The following PRX variants were observed in gnomAD, a reference collection of about 807,000 sequenced individuals.
The protein encoded by PRX is periaxin.
In PRX, 24 loss-of-function variants were observed where a neutral mutation model predicts 29.6. The observed-to-expected ratio is 0.81, with a 90% CI of 0.59 to 1.14. PRX has a LOEUF of 1.14. PRX is among the 50% of genes most tolerant of loss of function. PRX has a pLI of 0.00. For synonymous variants in PRX, 772 were observed against 831.7 expected, an observed-to-expected ratio of 0.93 and a Z score of 1.24; for missense variants, 1,838 against 1,926.4, an observed-to-expected ratio of 0.95 and a Z score of 0.86.
chr19:40,410,399 C>T (rs2079553174), intron 1 of PRX, among the ~76,000 whole-genome samples: 1 of 152,196 alleles, frequency 6.6e-6, no homozygotes, highest in Non-Finnish European at 1.5e-5. Flanking sequence ...CATAGCCCAT[C>T]AGTGGCCAGG....
rs543875999 is a variant in PRX at position 40,397,884 on chromosome 19, G to A, written c.468C>T (p.Val156=). ...GGGAGAACTTGGGAAAGGAGAACTC[G>A]ACGTCAACAGGGGCCAGGTCAGCGG... ...GVPADLAPVD[V]EFSFPKFSRL... The change falls in exon 7 of 7, where the codon GTC becomes GTT. Residue 156 remains valine (V), a synonymous_variant. Transcript: ENST00000324001. 7.4e-6 allele frequency: 12 copies of A among 1,611,108 alleles called. No individual in the cohort carries two copies. Among genetic ancestry groups the A allele is most frequent in the African/African-American group, 2.7e-5 (2 of 74,926 alleles).
In PRX at chr19:40,395,349, G is replaced by A. The variant is rs1027011237; in HGVS notation, c.3003C>T (p.His1001=). ...CCACCTCTACCTTGCCTGAGGGCAG[G>A]TGGGCATCCAGGCTGAGCTGTGGGA... The part of the protein sequence containing the change: ...LSIPQLSLDA[H]LPSGKVEVAG... Residue 1001 remains histidine, a synonymous_variant, in exon 7 of 7, where the codon CAC becomes CAT. Transcript: ENST00000324001. 1 of 1,613,754 alleles carries A rather than the reference G, an allele frequency of 6.2e-7. No individual in the cohort carries two copies. The highest frequency in any genetic ancestry group is 8.5e-7 in the Non-Finnish European group (1 of 1,180,016).
intron 4 of PRX, among the ~76,000 whole-genome samples, chr19:40,405,355 G>T (rs1447549796): frequency 1.3e-5 from 2 of 152,108 alleles, no homozygotes; most frequent in Non-Finnish European, 2.9e-5. Context: ...GGTAACATAG[G>T]CATACTGGAA....
rs757825620 is a variant in PRX at position 40,394,779 on chromosome 19, G to A, written c.3573C>T (p.Thr1191=). 1 of 1,613,602 alleles carries A rather than the reference G, an allele frequency of 6.2e-7. No individual in the cohort carries two copies. The highest frequency in any genetic ancestry group is 8.5e-7 in the Non-Finnish European group (1 of 1,180,004). The change falls in exon 7 of 7, where the codon ACC becomes ACT. Residue 1191 remains threonine, a synonymous_variant. Coordinates refer to ENST00000324001, the MANE Select transcript of PRX (RefSeq NM_181882.3). The surrounding 1 kb of genome is among the most constrained non-coding windows in gnomAD (Gnocchi z 5.8). The part of the protein sequence containing the change: ...AGYRVQVPQV[T]LSLPGAQVAG... The stretch of plus-strand genomic sequence containing the variant: ...CAACCTGGGCTCCAGGCAGAGACAG[G>A]GTCACCTGGGGCACCTGAACCCTGT...
intron 4 of PRX, 102 bp downstream of exon 4, chr19:40,407,804 A>G: frequency 6.6e-7 from 1 of 1,504,958 alleles, no homozygotes; most frequent in South Asian, 1.1e-5. Context: ...TCACAGATGG[A>G]GAGAATGAGG....
Position 40,396,103 on chromosome 19 carries a change from A to G in PRX, c.2249T>C (p.Val750Ala), listed in dbSNP as rs973208811. 6.2e-7 allele frequency: 1 copy of G among 1,614,076 alleles called. No individual in the cohort carries two copies. The highest frequency in any genetic ancestry group is 8.5e-7 in the Non-Finnish European group (1 of 1,180,012). The change falls in exon 7 of 7, where the codon GTG becomes GCG. Residue 750 changes from valine to alanine, a missense_variant. Physicochemically the swap from Val to Ala is moderately conservative, Grantham distance 64 (BLOSUM62 0). This residue lies in a region of PRX where 1,143 missense variants were observed against 1,193.0 expected (regional missense o/e 0.96). Coordinates refer to ENST00000324001, the MANE Select transcript of PRX (RefSeq NM_181882.3). ...VHLPEVQLPK[V>A]SEIRLPEMQV... ...CATTTCCGGCAGCCGAATCTCTGAC[A>G]CTTTCGGCAGCTGCACCTCGGGGAG...
Position 40,398,076 on chromosome 19 carries a change from A to T in PRX, c.382-106T>A, listed in dbSNP as rs1173849908. 3.4e-6 allele frequency: 5 copies of T among 1,464,548 alleles called. No individual in the cohort carries two copies. Among genetic ancestry groups the T allele is most frequent in the Non-Finnish European group, 3.6e-6 (4 of 1,107,846 alleles). The allele number at this position is 1,464,548 out of a possible 1,614,324, so 90.7% of individuals were successfully genotyped here. On this transcript the variant is annotated intron_variant, in intron 6 of 6. Coordinates refer to ENST00000324001, the MANE Select transcript of PRX (RefSeq NM_181882.3). The surrounding 1 kb of genome is among the most constrained non-coding windows in gnomAD (Gnocchi z 6.3). The stretch of plus-strand genomic sequence containing the variant: ...GACCAGGCGGGGGATGTGCTGGGTC[A>T]AGTATCTTGTTCCCCAAACATCATC...
chr19:40,403,608 C>A, intron 5 of PRX, 98 bp downstream of exon 5: 1 of 1,413,504 alleles, frequency 7.1e-7, no homozygotes, highest in South Asian at 1.4e-5. Context: ...GGTCACGCCC[C>A]CATCCCCCGG....
At chr19:40,408,666 C>G (rs2079543778) in intron 1 of PRX, among the ~76,000 whole-genome samples, 1 of 152,196 alleles carries the variant, frequency 6.6e-6, no homozygotes, top group African/African-American at 2.4e-5. Context: ...GGGTCTAGCT[C>G]TATTGCCCAG....
intron 4 of PRX, chr19:40,407,606 T>A: frequency 1.8e-6 from 1 of 549,120 alleles, no homozygotes; most frequent in Non-Finnish European, 3.3e-6. Flanking sequence ...TGGCATATGC[T>A]GCCTCTTCTG....
chr19:40,401,343 AGTGCAGTGGT>A (rs147791439), intron 5 of PRX, among the ~76,000 whole-genome samples: 1,770 of 152,122 alleles, frequency 0.012, 37 homozygotes, highest in African/African-American at 0.04. Flanking sequence ...CCCAAGCTGG[AGTGCAGTGGT>A]GTGATCATGG....
upstream of PRX, among the ~76,000 whole-genome samples, chr19:40,413,542 C>T (rs1424688736): frequency 4.6e-5 from 7 of 152,018 alleles, no homozygotes; most frequent in Non-Finnish European, 1.0e-4. Flanking sequence ...GTGGGGGCCA[C>T]GGGACAGCCA....
In PRX at chr19:40,395,458, G is replaced by A. The variant is rs1328567193; in HGVS notation, c.2894C>T (p.Ser965Leu). ...AGCCCCCACCCGAGCCTTGGGGAGT[G>A]AGATGGCAAATTTGGATACCTTCAG... is the stretch of plus-strand genomic sequence containing the variant. ...TKLKVSKFAI[S>L]LPKARVGAEA... The change falls in exon 7 of 7, where the codon TCA (serine) becomes TTA (leucine). Residue 965 changes from serine (S) to leucine (L), a missense_variant. Transcript: ENST00000324001. 1.2e-6 allele frequency: 2 copies of A among 1,613,984 alleles called. No individual in the cohort carries two copies. Among genetic ancestry groups the A allele is most frequent in the African/African-American group, 1.3e-5 (1 of 74,890 alleles).
chr19:40,403,693 CG>C lies in PRX; in HGVS notation c.184+12del, dbSNP rs770703579. 21 of 1,542,538 alleles carry C rather than the reference CG, an allele frequency of 1.4e-5. No homozygotes were observed. The South Asian group carries it at 2.5e-4, about 18-fold the overall frequency. On this transcript the variant is annotated intron_variant, in intron 5 of 6. Coordinates refer to ENST00000324001, the MANE Select transcript of PRX (RefSeq NM_181882.3). ...CGCAGTTCGACCCCGCCCCACACCC[CG>C]GGCCCGCCCACCTTCCTGCAGGCTG... is the stretch of plus-strand genomic sequence containing the variant.
chr19:40,403,967 A>G (rs1210690432), intron 4 of PRX, 105 bp from the exon 5 acceptor site: 2 of 1,308,840 alleles, frequency 1.5e-6, no homozygotes, highest in South Asian at 1.3e-5. Flanking sequence ...ATGTTTATAT[A>G]TATTTAGAGA....
Position 40,395,591 on chromosome 19 carries a change from T to A in PRX, c.2761A>T (p.Ile921Leu), listed in dbSNP as rs1230257450. ...VEIEEGRLEM[I>L]ETKVKPSSKF... Reference sequence around the variant, plus strand: ...GAAGAGGGCTTGACTTTTGTCTCTATCATCTCCAGCCGCCCTTCCTCAATT... The same window carrying A: ...GAAGAGGGCTTGACTTTTGTCTCTAACATCTCCAGCCGCCCTTCCTCAATT... Residue 921 changes from isoleucine to leucine, a missense_variant, in exon 7 of 7, where the codon ATA (isoleucine) becomes TTA (leucine). Transcript: ENST00000324001. 6.2e-7 allele frequency: 1 copy of A among 1,614,206 alleles called. No homozygotes were observed. Among genetic ancestry groups the A allele is most frequent in the Non-Finnish European group, 8.5e-7 (1 of 1,180,020 alleles).
At chr19:40,406,446 G>C (rs1599665110) in intron 4 of PRX, among the ~76,000 whole-genome samples, 1 of 152,182 alleles carries the variant, frequency 6.6e-6, no homozygotes, top group East Asian at 1.9e-4. Flanking sequence ...AAGGCCCAGA[G>C]AGGTAAAGTG....
intron 1 of PRX, among the ~76,000 whole-genome samples, chr19:40,411,401 T>C (rs2079558108): frequency 6.6e-6 from 1 of 152,180 alleles, no homozygotes; most frequent in African/African-American, 2.4e-5. Flanking sequence ...TCAGTTCCCT[T>C]ACCCAGGACT....
At chr19:40,404,492 T>C (rs1359168632) in intron 4 of PRX, among the ~76,000 whole-genome samples, 3 of 151,676 alleles carry the variant, frequency 2.0e-5, no homozygotes, top group African/African-American at 7.3e-5. Flanking sequence ...AAATGGGGTA[T>C]AGAAGGGTGC....
Sources: allele counts gnomAD v4.1 joint callset (sites outside exome capture counted in the v4.1 genomes callset), GRCh38; gene constraint gnomAD v4.1.1; regional missense constraint gnomAD v4.1.1; non-coding constraint Gnocchi (gnomAD v3.1); transcripts MANE v1.5; gene names NCBI Gene and HGNC (gene_info 2026-07-23, HGNC 2026-07-21).